RANBP2: variants seen among roughly 807,000 people sequenced by gnomAD.
RANBP2 encodes RAN binding protein 2, also known as E3 SUMO-protein ligase RanBP2.
In RANBP2, 57 loss-of-function variants were observed where a neutral mutation model predicts 303.6. The observed-to-expected ratio is 0.19, with a 90% CI of 0.15 to 0.23. The LOEUF (loss-of-function observed/expected upper bound fraction) is 0.23, where lower values mean the gene tolerates loss of function less well. Among genes scored for constraint, RANBP2 ranks in the 10% least tolerant of loss-of-function variants. The pLI is 1.00. For missense variants in RANBP2, 3,138 were observed against 3,780.8 expected (o/e 0.83, Z 4.46); for synonymous variants, 1,167 against 1,301.5 (o/e 0.90, Z 2.23).
chr2:109,477,613 G>GGT, the RANBP2 span, among the ~76,000 whole-genome samples: 4,982 of 149,406 alleles, frequency 0.033, 108 homozygotes, highest in African/African-American at 0.059. Context: ...GCCACAGATG[G>GGT]GTGTGTGTGT....
the RANBP2 span, among the ~76,000 whole-genome samples, chr2:109,548,797 A>G: frequency 6.6e-6 from 1 of 151,242 alleles, no homozygotes; most frequent in Non-Finnish European, 1.5e-5. Flanking sequence ...AAAAAAAAAA[A>G]AAAAAGACAT....
the RANBP2 span, among the ~76,000 whole-genome samples, chr2:109,059,461 G>T: frequency 6.6e-6 from 1 of 151,944 alleles, no homozygotes; most frequent in African/African-American, 2.4e-5. Context: ...TGTAGTCCCA[G>T]CTACTCAGGA....
At chr2:109,595,438 G>A in the RANBP2 span, among the ~76,000 whole-genome samples, 11 of 152,174 alleles carry the variant, frequency 7.2e-5, no homozygotes, top group South Asian at 4.2e-4. Flanking sequence ...ATTCTGAAAG[G>A]CCCCCCAGTC....
chr2:108,862,043 A>G, the RANBP2 span, among the ~76,000 whole-genome samples: 1 of 145,724 alleles, frequency 6.9e-6, no homozygotes. Flanking sequence ...TTTTTATTCC[A>G]CTATGGCCCA....
At chr2:108,956,865 C>G in the RANBP2 span, among the ~76,000 whole-genome samples, 2 of 151,926 alleles carry the variant, frequency 1.3e-5, no homozygotes, top group Non-Finnish European at 2.9e-5. Flanking sequence ...CTCAGCACAC[C>G]GCAACCTCCA....
the RANBP2 span, among the ~76,000 whole-genome samples, chr2:109,064,644 G>A: frequency 6.6e-6 from 1 of 152,070 alleles, no homozygotes; most frequent in Non-Finnish European, 1.5e-5. Context: ...GATTTCTTCT[G>A]TTTAAAAAGT....
In RANBP2 at chr2:108,763,702, C is replaced by T. The variant is rs140860785; in HGVS notation, c.3163C>T (p.Pro1055Ser). Reference protein sequence around the residue: ...TFSSPQVVTQPPPAAYSNSES... With the variant: ...TFSSPQVVTQSPPAAYSNSES... Reference sequence around the variant, plus strand: ...TTCCTCACCACAGGTTGTGACACAGCCCCCTCCTGCAGCTTACAGTAACAG... The same window carrying T: ...TTCCTCACCACAGGTTGTGACACAGTCCCCTCCTGCAGCTTACAGTAACAG... Residue 1055 changes from proline (P) to serine (S), a missense_variant, in exon 20 of 29, where the codon CCC (proline) becomes TCC (serine). Around this residue, in one of 20 missense-constraint regions of RANBP2, gnomAD observed 403 missense variants for 376.7 expected, o/e 1.07. Transcript: ENST00000283195. 6,455 of 1,614,072 alleles carry T rather than the reference C, an allele frequency of 4.0e-3. 23 individuals are homozygous for T. The highest frequency in any genetic ancestry group is 4.9e-3 in the Admixed American group (294 of 60,006).
the RANBP2 span, among the ~76,000 whole-genome samples, chr2:109,159,722 T>C: frequency 2.6e-5 from 4 of 152,190 alleles, no homozygotes; most frequent in African/African-American, 9.7e-5. Context: ...CATTACCGCT[T>C]GATTTCCATC....
the RANBP2 span, among the ~76,000 whole-genome samples, chr2:109,336,224 C>T: frequency 2.0e-5 from 3 of 152,200 alleles, no homozygotes; most frequent in Non-Finnish European, 2.9e-5. Context: ...GAAGGATTCT[C>T]CCTCACTGGG....
At chr2:109,576,409 A>G in the RANBP2 span, among the ~76,000 whole-genome samples, 1 of 152,068 alleles carries the variant, frequency 6.6e-6, no homozygotes, top group African/African-American at 2.4e-5. Flanking sequence ...TCAAAAAATG[A>G]TATTTTTTTT....
At chr2:109,763,337 A>G in the RANBP2 span, among the ~76,000 whole-genome samples, 1 of 150,400 alleles carries the variant, frequency 6.6e-6, no homozygotes. Context: ...AGATAGGAAA[A>G]TTGAAGATGG....
the RANBP2 span, among the ~76,000 whole-genome samples, chr2:108,998,390 G>A: frequency 7.2e-5 from 11 of 152,142 alleles, no homozygotes; most frequent in Admixed American, 2.6e-4. Flanking sequence ...CCCAGGCTTC[G>A]TCTTTTAAGC....
At chr2:109,658,005 C>A in the RANBP2 span, among the ~76,000 whole-genome samples, 1 of 151,478 alleles carries the variant, frequency 6.6e-6, no homozygotes, top group South Asian at 2.1e-4. Context: ...CAGGCGTGAG[C>A]CACCGTGCCG....
chr2:109,104,725 C>T, the RANBP2 span, among the ~76,000 whole-genome samples: 25 of 152,216 alleles, frequency 1.6e-4, no homozygotes, highest in African/African-American at 4.1e-4. Context: ...CCTCGTGATC[C>T]GCCCACCTCG....
At chr2:109,194,300 A>G in the RANBP2 span, among the ~76,000 whole-genome samples, 1 of 152,244 alleles carries the variant, frequency 6.6e-6, no homozygotes, top group African/African-American at 2.4e-5. Context: ...TCTTACCTGC[A>G]GGGGACTTTC....
At chr2:109,389,696 T>C in the RANBP2 span, among the ~76,000 whole-genome samples, 1 of 152,230 alleles carries the variant, frequency 6.6e-6, no homozygotes, top group Non-Finnish European at 1.5e-5. Flanking sequence ...GGCTATTTTA[T>C]ATATTTTTGG....
chr2:109,082,805 G>A, the RANBP2 span, among the ~76,000 whole-genome samples: 482 of 150,114 alleles, frequency 3.2e-3, 7 homozygotes, highest in African/African-American at 0.011. Flanking sequence ...CAGCCTGGAC[G>A]ACATATCAAG....
At chr2:108,929,202 G>C in the RANBP2 span, 22 of 1,613,904 alleles carry the variant, frequency 1.4e-5, no homozygotes, top group African/African-American at 2.8e-4. Flanking sequence ...GCTTACCCAG[G>C]GAGGCAAGGG....
At chr2:109,099,865 C>T in the RANBP2 span, among the ~76,000 whole-genome samples, 1 of 152,012 alleles carries the variant, frequency 6.6e-6, no homozygotes. Context: ...GGTTCTAAAC[C>T]TGCTGTCTCC....
Sources: gnomAD v4.1 joint callset for allele counts (sites outside exome capture counted in the v4.1 genomes callset) on GRCh38, gnomAD v4.1.1 for gene constraint, gnomAD v4.1.1 regional missense constraint, MANE v1.5 for transcripts, NCBI Gene and HGNC (gene_info 2026-07-23, HGNC 2026-07-21) for gene names.